Variants in HPS1 observed in about 807,000 individuals in gnomAD.
HPS1 encodes the protein BLOC-3 complex member HPS1.
A neutral mutation model predicts 90.6 loss-of-function variants in HPS1; 59 were observed. The ratio of observed to expected loss-of-function variants is 0.65; its 90% CI spans 0.53 to 0.81. HPS1 has a LOEUF of 0.81. Among genes scored for constraint, HPS1 ranks in the 30% least tolerant of loss-of-function variants. The pLI is 0.00. For missense variants in HPS1, 849 were observed against 896.7 expected (o/e 0.95, Z 0.68); for synonymous variants, 388 against 384.4 (o/e 1.01, Z -0.11).
chr10:98,431,258 C>T lies in HPS1; in HGVS notation c.541G>A (p.Glu181Lys), dbSNP rs1019065942. The T allele has an allele frequency of 3.7e-6, 6 of 1,613,804 alleles. No individual in the cohort carries two copies. Among genetic ancestry groups the T allele is most frequent in the African/African-American group, 2.7e-5 (2 of 74,938 alleles). ...LERLIHPQLC[E>K]LCIEALERHV... ...CGCTCCAGCGCCTCTATGCACAGCTCACAGAGCTGGGGGTGAATCAGTCGC... is the reference window on the plus strand; with the variant it reads ...CGCTCCAGCGCCTCTATGCACAGCTTACAGAGCTGGGGGTGAATCAGTCGC... Residue 181 changes from glutamate to lysine, a missense_variant, in exon 7 of 20, where the codon GAG (glutamate) becomes AAG (lysine). By Grantham distance (56) the Glu-to-Lys change is moderately conservative (BLOSUM62 1). Coordinates refer to ENST00000361490, the MANE Select transcript of HPS1 (RefSeq NM_000195.5).
chr10:98,421,721 A>G (rs1200835064), intron 17 of HPS1, among the ~76,000 whole-genome samples: 1 of 152,212 alleles, frequency 6.6e-6, no homozygotes, highest in African/African-American at 2.4e-5. Context: ...GCTACGTGCT[A>G]TGCTAAATAT....
At chr10:98,430,985 G>C in intron 7 of HPS1, 146 bp downstream of exon 7, 1 of 832,382 alleles carries the variant, frequency 1.2e-6, no homozygotes, top group South Asian at 1.5e-5. Context: ...AGCTGAAAAA[G>C]GTTGGAGAAT....
Position 98,418,391 on chromosome 10 carries a change from T to C in HPS1, c.1858-134A>G, listed in dbSNP as rs1372759027. ...TGGGAAAATGCCTGGACCTTGTTTT[T>C]TCATCTTTGAAGTCAGAATGACAAC... On this transcript the variant is annotated intron_variant, in intron 18 of 19. Transcript: ENST00000361490. 1.8e-5 allele frequency: 9 copies of C among 511,342 alleles called. No individual in the cohort carries two copies. The East Asian group carries it at 2.8e-4, about 16-fold the overall frequency. 31.7% of individuals were successfully genotyped at this position (511,342 alleles called of 1,614,324 possible).
At chr10:98,444,225 A>G (rs1028492749) in intron 2 of HPS1, among the ~76,000 whole-genome samples, 3 of 151,984 alleles carry the variant, frequency 2.0e-5, no homozygotes, top group African/African-American at 7.3e-5. Context: ...CACAGCCACC[A>G]GTGTCTTCAG....
rs146695034 is a variant in HPS1, at chr10:98,443,226, C to G, written c.15G>C (p.Leu5Phe). 5.6e-5 allele frequency: 91 copies of G among 1,613,726 alleles called. No individual in the cohort carries two copies. In the African/African-American group the frequency reaches 1.1e-3, roughly 20 times the overall value. Residue 5 changes from leucine (L) to phenylalanine (F), a missense_variant, in exon 3 of 20, where the codon TTG (leucine) becomes TTC (phenylalanine). Physicochemically the swap from Leu to Phe is conservative, Grantham distance 22 (BLOSUM62 0). Transcript: ENST00000361490. ...GGACCTCTGCGCCCTCAGTGGCCACCAAGACGCACTTCATCTGCCAGGGAA... is the reference window on the plus strand; with the variant it reads ...GGACCTCTGCGCCCTCAGTGGCCACGAAGACGCACTTCATCTGCCAGGGAA... MKCV[L>F]VATEGAEVLF...
intron 3 of HPS1, chr10:98,442,298 CAGAA>C (rs1393246777): frequency 1.3e-5 from 2 of 152,204 alleles, no homozygotes; most frequent in Non-Finnish European, 2.9e-5. Flanking sequence ...TCTATCATGA[CAGAA>C]AGCAGATCAG....
At chr10:98,428,967 G>A (rs538614260) in intron 10 of HPS1, among the ~76,000 whole-genome samples, 10 of 151,616 alleles carry the variant, frequency 6.6e-5, no homozygotes, top group Middle Eastern at 3.4e-3. Context: ...TCAGCCTCCC[G>A]AGTAGCTGGG....
At position 98,417,150 on chromosome 10, in the gene HPS1, G is replaced by C; in HGVS notation, c.*414C>G. On this transcript the variant is annotated 3_prime_UTR_variant, in exon 20 of 20. Coordinates refer to ENST00000361490, the MANE Select transcript of HPS1 (RefSeq NM_000195.5). This position sits in a 1 kb window ranked among gnomAD's most constrained non-coding sequence, Gnocchi z 4.2. ...AGAAACTTGCCAGGAGGTGCAGAGA[G>C]GAAGTGGCAGCGCTGGAATTCAAAC... 1 of 161,022 alleles carries C rather than the reference G, an allele frequency of 6.2e-6. No homozygotes were observed. The highest frequency in any genetic ancestry group is 1.4e-5 in the Non-Finnish European group (1 of 74,012). The allele number at this position is 161,022 out of a possible 1,614,324, so 10.0% of individuals were successfully genotyped here. A position where few individuals can be genotyped will look rare whatever the true frequency, so the allele number is the denominator to read the frequency against.
chr10:98,414,796 C>A (rs1843933768), downstream of HPS1: 3 of 620,852 alleles, frequency 4.8e-6, no homozygotes, highest in African/African-American at 5.6e-5. Context: ...TTGCCCCAGG[C>A]CACACAGCAG....
intron 13 of HPS1, 42 bp from the exon 14 acceptor site, chr10:98,424,416 T>C (rs745817291): frequency 6.4e-7 from 1 of 1,566,288 alleles, no homozygotes; most frequent in Admixed American, 1.7e-5. Context: ...CCGACCATAT[T>C]TCCAGTGAGG....
intron 17 of HPS1, among the ~76,000 whole-genome samples, chr10:98,420,773 A>G (rs1844744866): frequency 2.0e-5 from 3 of 152,288 alleles, no homozygotes; most frequent in Middle Eastern, 3.4e-3. Flanking sequence ...CAGGCCAGAG[A>G]ATAGCCAGGG....
At chr10:98,442,602 C>T (rs1211943300) in intron 3 of HPS1, 1 of 181,552 alleles carries the variant, frequency 5.5e-6, no homozygotes, top group African/African-American at 2.4e-5. Flanking sequence ...ACCACCTGGA[C>T]TCAAGTGATC....
chr10:98,417,730 G>A lies in HPS1; in HGVS notation c.1941-4C>T, dbSNP rs1437285000. 2.5e-6 allele frequency: 4 copies of A among 1,613,412 alleles called. No individual in the cohort carries two copies. The highest frequency in any genetic ancestry group is 1.1e-5 in the South Asian group (1 of 91,060). On this transcript the variant is annotated splice_polypyrimidine_tract_variant and splice_region_variant and intron_variant, in intron 19 of 19. Transcript: ENST00000361490. This position sits in a 1 kb window ranked among gnomAD's most constrained non-coding sequence, Gnocchi z 4.2. ...GCTGTAGTAGCGCAGGAGCTTCCTG[G>A]GGAGGAAGGGGAGGATGGGATTCAG... is the stretch of plus-strand genomic sequence containing the variant.
chr10:98,442,797 C>T (rs985778426), intron 3 of HPS1: 27 of 364,694 alleles, frequency 7.4e-5, no homozygotes, highest in African/African-American at 3.4e-4. Context: ...CGTGAGCCAC[C>T]GCGCCCAGCC....
chr10:98,422,076 G>C (rs940018749), intron 17 of HPS1, among the ~76,000 whole-genome samples: 2 of 151,862 alleles, frequency 1.3e-5, no homozygotes, highest in African/African-American at 4.8e-5. Flanking sequence ...ACTTTGTCAT[G>C]AAAAACAGTC....
chr10:98,427,510 C>T (rs1376589396), intron 10 of HPS1, among the ~76,000 whole-genome samples: 1 of 152,214 alleles, frequency 6.6e-6, no homozygotes, highest in Non-Finnish European at 1.5e-5. Context: ...CCAGAGCCAG[C>T]TGCTGAGAAT....
chr10:98,439,429 G>A (rs1446736749), intron 3 of HPS1, among the ~76,000 whole-genome samples: 1 of 152,216 alleles, frequency 6.6e-6, no homozygotes, highest in Non-Finnish European at 1.5e-5. Context: ...TCTTGTATCA[G>A]TGTGACCTGG....
chr10:98,437,948 G>A (rs902597318), intron 3 of HPS1, among the ~76,000 whole-genome samples: 10 of 152,142 alleles, frequency 6.6e-5, no homozygotes, highest in African/African-American at 2.4e-4. Context: ...TCATGAAAAT[G>A]AGTGAGTCCT....
chr10:98,435,844 A>C lies in HPS1; in HGVS notation c.118-72T>G. The C allele has an allele frequency of 1.9e-6, 3 of 1,592,440 alleles. No homozygotes were observed. Among genetic ancestry groups the C allele is most frequent in the Non-Finnish European group, 2.6e-6 (3 of 1,161,616 alleles). ...CAAGAACTAAGGAAGGGACAAGATC[A>C]GGCCTTGATATCAAGGGTTCCATAG... On this transcript the variant is annotated intron_variant, in intron 3 of 19. Transcript: ENST00000361490. The surrounding 1 kb of genome is among the most constrained non-coding windows in gnomAD (Gnocchi z 4.3).
Sources: allele counts gnomAD v4.1 joint callset (sites outside exome capture counted in the v4.1 genomes callset), GRCh38; gene constraint gnomAD v4.1.1; non-coding constraint Gnocchi (gnomAD v3.1); transcripts MANE v1.5; gene names NCBI Gene and HGNC (gene_info 2026-07-23, HGNC 2026-07-21).